Variants in TNC observed in about 807,000 individuals in gnomAD.
TNC encodes tenascin.
A neutral mutation model predicts 202.4 loss-of-function variants in TNC; 109 were observed. The observed-to-expected ratio is 0.54, with a 90% confidence interval of 0.46 to 0.63. The LOEUF is 0.63. Ranked by LOEUF, TNC falls within the 30% of genes least tolerant of loss-of-function variation. The probability of loss-of-function intolerance (pLI) is 0.00; values close to 1 mark genes in which losing one functional copy is unlikely to be tolerated. For synonymous variants in TNC, 1,007 were observed against 1,089.7 expected (o/e 0.92, Z 1.50); for missense variants, 2,756 against 2,833.3 (o/e 0.97, Z 0.62).
chr9:115,057,125 C>G (rs1325839629), intron 15 of TNC, 28 bp downstream of exon 15: 1 of 1,586,994 alleles, frequency 6.3e-7, no homozygotes, highest in Non-Finnish European at 8.6e-7. Context: ...GGAGAGAGTG[C>G]GTTAGAAATG....
chr9:115,105,805 C>T (rs1480205801), intron 1 of TNC, among the ~76,000 whole-genome samples: 2 of 152,148 alleles, frequency 1.3e-5, no homozygotes, highest in Admixed American at 6.5e-5. Flanking sequence ...TTATTTTAAA[C>T]CAAATATGAT....
At chr9:115,108,888 G>A (rs1836825106) in intron 1 of TNC, among the ~76,000 whole-genome samples, 1 of 152,230 alleles carries the variant, frequency 6.6e-6, no homozygotes, top group Non-Finnish European at 1.5e-5. Context: ...CCAGAACTGT[G>A]AGAAAGTAAT....
intron 1 of TNC, among the ~76,000 whole-genome samples, chr9:115,103,741 C>T (rs1836408990): frequency 6.6e-6 from 1 of 152,136 alleles, no homozygotes; most frequent in South Asian, 2.1e-4. Context: ...GTCAACTGGC[C>T]AACATTAAGT....
chr9:115,073,601 A>G lies in TNC; in HGVS notation c.3214+2T>C, dbSNP rs1833619540. 1 of 1,611,964 alleles carries G rather than the reference A, an allele frequency of 6.2e-7. No individual in the cohort carries two copies. Among genetic ancestry groups the G allele is most frequent in the Non-Finnish European group, 8.5e-7 (1 of 1,178,386 alleles). On this transcript the variant is annotated splice_donor_variant, in intron 10 of 27. Transcript: ENST00000350763. LOFTEE classifies it high-confidence loss of function. ...TTTGGAGGAAGCTCAGGGCAGACTC[A>G]CCAGTGGATGCCTTCACACGTGCGG... is the stretch of plus-strand genomic sequence containing the variant.
intron 17 of TNC, among the ~76,000 whole-genome samples, chr9:115,042,779 A>G (rs1018955962): frequency 2.0e-5 from 3 of 152,182 alleles, no homozygotes; most frequent in Non-Finnish European, 4.4e-5. Context: ...GAAGCCCCCA[A>G]AAAGATGTGA....
At chr9:115,030,135 G>T in intron 24 of TNC, 119 bp downstream of exon 24, 3 of 1,045,724 alleles carry the variant, frequency 2.9e-6, no homozygotes, top group Non-Finnish European at 4.1e-6. Context: ...ATCTTGCAAG[G>T]CCTCACACAT....
At chr9:115,101,658 C>T (rs1836246234) in intron 1 of TNC, among the ~76,000 whole-genome samples, 1 of 152,200 alleles carries the variant, frequency 6.6e-6, no homozygotes, top group Non-Finnish European at 1.5e-5. Context: ...ATGCTATTTA[C>T]TTAGTATGGA....
At chr9:115,059,017 G>T (rs1404047930) in intron 14 of TNC, among the ~76,000 whole-genome samples, 1 of 152,198 alleles carries the variant, frequency 6.6e-6, no homozygotes, top group Non-Finnish European at 1.5e-5. Flanking sequence ...TCAGTTCTTT[G>T]ACATTCATAG....
chr9:115,106,574 T>C (rs982128693), intron 1 of TNC, among the ~76,000 whole-genome samples: 5 of 152,184 alleles, frequency 3.3e-5, no homozygotes, highest in Admixed American at 2.6e-4. Context: ...GACTATAATA[T>C]CTGTGTCTTA....
chr9:115,078,067 A>G lies in TNC; in HGVS notation c.2550T>C (p.Asp850=), dbSNP rs1834016567. 1 of 1,613,988 alleles carries G rather than the reference A, an allele frequency of 6.2e-7. No individual in the cohort carries two copies. ...AGTACTGGTTCTCGTCCTCTGTGAGATCGATGGTGGTACGGTCTCCTGGCA... is the reference window on the plus strand; with the variant it reads ...AGTACTGGTTCTCGTCCTCTGTGAGGTCGATGGTGGTACGGTCTCCTGGCA... The part of the protein sequence containing the change: ...KDVPGDRTTI[D]LTEDENQYSI... The change falls in exon 7 of 28, where the codon GAT becomes GAC. Residue 850 remains aspartate, a synonymous_variant. Coordinates refer to ENST00000350763, the MANE Select transcript of TNC (RefSeq NM_002160.4).
rs188730448 is a variant in TNC at position 115,049,482 on chromosome 9, T to C, written c.4580-950A>G. Among the ~76,000 whole-genome samples the C allele has an allele frequency of 4.3e-3, 651 of 152,242 alleles. 4 individuals carry two copies. Among genetic ancestry groups the C allele is most frequent in the Non-Finnish European group, 4.2e-3 (285 of 68,030 alleles). ...TTAATGACTTATCCTAGGTCATACA[T>C]CTGCTAGGTGCCTAAGCTGAGATAC... On this transcript the variant is annotated intron_variant, in intron 15 of 27. Transcript: ENST00000350763.
intron 15 of TNC, among the ~76,000 whole-genome samples, chr9:115,053,391 A>G (rs991413274): frequency 6.6e-6 from 1 of 152,202 alleles, no homozygotes; most frequent in African/African-American, 2.4e-5. Context: ...CAAGCCCTGT[A>G]AGATGTTCCA....
chr9:115,090,760 AGCTTTCGCTGG>A lies in TNC; in HGVS notation c.248_258del (p.Pro83LeufsTer32), dbSNP rs1328768520. The A allele has an allele frequency of 6.2e-7, 1 of 1,614,098 alleles. No homozygotes were observed. Among genetic ancestry groups the A allele is most frequent in the Non-Finnish European group, 8.5e-7 (1 of 1,180,044 alleles). ...TCCCCATCCACTGTGTGCTCCTGAA[AGCTTTCGCTGG>A]GCTCTGAAGGCGGTGCCAGGTCTTT... On this transcript the variant is annotated frameshift_variant, in exon 2 of 28. Coordinates refer to ENST00000350763, the MANE Select transcript of TNC (RefSeq NM_002160.4). LOFTEE classifies it high-confidence loss of function.
chr9:115,102,732 C>A (rs2134075258), intron 1 of TNC, among the ~76,000 whole-genome samples: 1 of 152,306 alleles, frequency 6.6e-6, no homozygotes, highest in South Asian at 2.1e-4. Context: ...AGTTGGTTTG[C>A]ATATGTGCAG....
chr9:115,068,511 A>G (rs1588114830), intron 10 of TNC, among the ~76,000 whole-genome samples: 1 of 152,158 alleles, frequency 6.6e-6, no homozygotes, highest in East Asian at 1.9e-4. Context: ...AAGCCTGACA[A>G]CCCCAAAGGG....
At chr9:115,085,823 C>A in intron 3 of TNC, 41 bp downstream of exon 3, 1 of 1,546,512 alleles carries the variant, frequency 6.5e-7, no homozygotes, top group Admixed American at 1.9e-5. Context: ...GAGTCCACTC[C>A]ATCATGGCCA....
intron 7 of TNC, among the ~76,000 whole-genome samples, chr9:115,077,573 C>G (rs1833973030): frequency 6.6e-6 from 1 of 152,230 alleles, no homozygotes; most frequent in African/African-American, 2.4e-5. Context: ...CACTTTTGAA[C>G]TTTTAAAATA....
In TNC at chr9:115,071,561, C is replaced by A. The variant is rs756753654; in HGVS notation, c.3214+2042G>T. 9.9e-5 allele frequency among the ~76,000 whole-genome samples: 15 copies of A among 152,266 alleles called. No homozygotes were observed. In the East Asian group the frequency reaches 1.7e-3, roughly 18 times the overall value. On this transcript the variant is annotated intron_variant, in intron 10 of 27. Coordinates refer to ENST00000350763, the MANE Select transcript of TNC (RefSeq NM_002160.4). ...GGAGATAAAACTTCTTCAGTGACTG[C>A]GCAGGTGTGAGGTTTTCTCACTGGA...
Position 115,041,030 on chromosome 9 carries a change from T to A in TNC, c.5303A>T (p.Lys1768Ile). ...DGTKTQTRLV[K>I]LIPGVEYLVS... is the part of the protein sequence containing the mutation. Reference sequence around the variant, plus strand: ...AAGGTACTCCACGCCAGGTATGAGTTTCACCAGCCTGGTCTGAGTCTTGGT... The same window carrying A: ...AAGGTACTCCACGCCAGGTATGAGTATCACCAGCCTGGTCTGAGTCTTGGT... Residue 1768 changes from lysine (K) to isoleucine (I), a missense_variant, in exon 19 of 28, where the codon AAA becomes ATA. Lys to Ile is a moderately radical substitution (Grantham distance 102). This residue lies in a region of TNC where 2,559 missense variants were observed against 2,546.0 expected (regional missense o/e 1.01). Transcript: ENST00000350763. The A allele has an allele frequency of 6.2e-7, 1 of 1,614,082 alleles. No homozygotes were observed. The highest frequency in any genetic ancestry group is 1.7e-5 in the Admixed American group (1 of 60,016).
Sources: allele counts gnomAD v4.1 joint callset (sites outside exome capture counted in the v4.1 genomes callset), GRCh38; gene constraint gnomAD v4.1.1; regional missense constraint gnomAD v4.1.1; transcripts MANE v1.5; gene names NCBI Gene and HGNC (gene_info 2026-07-23, HGNC 2026-07-21).